WDR7: variants seen among roughly 807,000 people sequenced by gnomAD.
WDR7 encodes the protein WD repeat-containing protein 7.
Under a neutral mutation model 169.4 loss-of-function variants are expected in WDR7, and 46 were observed. That is an observed-to-expected ratio of 0.27 (90% CI 0.21 to 0.35). The LOEUF is 0.35. Among genes scored for constraint, WDR7 ranks in the 10% least tolerant of loss-of-function variants. The pLI is 1.00. For missense variants in WDR7, 1,534 were observed against 1,859.3 expected, an observed-to-expected ratio of 0.83 and a Z score of 3.22; for synonymous variants, 612 against 666.8, an observed-to-expected ratio of 0.92 and a Z score of 1.27.
intron 20 of WDR7, among the ~76,000 whole-genome samples, chr18:56,867,666 A>G (rs549058302): frequency 1.3e-5 from 2 of 152,364 alleles, no homozygotes; most frequent in South Asian, 4.1e-4. Flanking sequence ...ATACATATCT[A>G]GGCAAACATT....
At chr18:56,809,993 T>C (rs1202560806) in intron 19 of WDR7, among the ~76,000 whole-genome samples, 1 of 152,116 alleles carries the variant, frequency 6.6e-6, no homozygotes, top group East Asian at 1.9e-4. Context: ...TTGTTTTGCC[T>C]TTTACAGAAA....
Position 56,903,531 on chromosome 18 carries a change from T to C in WDR7, c.3527-20391T>C, listed in dbSNP as rs192904186. ...GCCACCTGGGTTCAAGTGATTCTTC[T>C]GCCTCAGCCTCCCGAGTAGCTGGGA... On this transcript the variant is annotated intron_variant, in intron 21 of 27. Coordinates refer to ENST00000254442, the MANE Select transcript of WDR7 (RefSeq NM_015285.3). Among the ~76,000 whole-genome samples, 6 of 152,282 alleles carry C rather than the reference T, an allele frequency of 3.9e-5. No homozygotes were observed. In the East Asian group the frequency reaches 9.7e-4, roughly 25 times the overall value.
At chr18:56,748,352 C>T (rs1358088365) in intron 14 of WDR7, among the ~76,000 whole-genome samples, 2 of 152,124 alleles carry the variant, frequency 1.3e-5, no homozygotes, top group East Asian at 3.8e-4. Flanking sequence ...AGTTGAAAAT[C>T]AATCTCTTTT....
intron 2 of WDR7, among the ~76,000 whole-genome samples, chr18:56,673,666 T>G (rs2025183000): frequency 6.6e-6 from 1 of 151,888 alleles, no homozygotes; most frequent in Non-Finnish European, 1.5e-5. Flanking sequence ...AAACCCCATC[T>G]CTACTGAAAA....
chr18:56,737,299 A>G (rs1014171549), intron 14 of WDR7, among the ~76,000 whole-genome samples: 27 of 152,244 alleles, frequency 1.8e-4, no homozygotes, highest in African/African-American at 6.0e-4. Flanking sequence ...TTTTTCTCAT[A>G]AAGCATTTGC....
chr18:56,703,661 T>C (rs1598974751), intron 12 of WDR7, among the ~76,000 whole-genome samples: 1 of 152,100 alleles, frequency 6.6e-6, no homozygotes, highest in South Asian at 2.1e-4. Context: ...ATTTTATTTT[T>C]AAAAATTAAA....
chr18:56,763,359 T>C (rs2044010344), intron 16 of WDR7, among the ~76,000 whole-genome samples: 1 of 152,218 alleles, frequency 6.6e-6, no homozygotes, highest in Admixed American at 6.5e-5. Context: ...TCTGCATCTA[T>C]TGAAATGATT....
intron 12 of WDR7, among the ~76,000 whole-genome samples, chr18:56,698,826 A>G (rs2025762622): frequency 6.6e-6 from 1 of 152,186 alleles, no homozygotes; most frequent in African/African-American, 2.4e-5. Context: ...CTTGAAAAAT[A>G]ATGTATTTGC....
At chr18:56,907,220 A>G (rs148884754) in intron 21 of WDR7, among the ~76,000 whole-genome samples, 22 of 152,350 alleles carry the variant, frequency 1.4e-4, no homozygotes, top group Non-Finnish European at 2.5e-4. Flanking sequence ...TGCTTAAAAT[A>G]TGGACGGTGA....
intron 20 of WDR7, among the ~76,000 whole-genome samples, chr18:56,833,556 A>G (rs1394850298): frequency 6.6e-6 from 1 of 152,238 alleles, no homozygotes; most frequent in African/African-American, 2.4e-5. Flanking sequence ...TAAATAAAAC[A>G]TTCCAATAAA....
At chr18:56,812,444 G>A (rs2044885692) in intron 19 of WDR7, among the ~76,000 whole-genome samples, 1 of 152,152 alleles carries the variant, frequency 6.6e-6, no homozygotes, top group South Asian at 2.1e-4. Context: ...AGAACCAAAA[G>A]AATAGATAGA....
At chr18:57,025,933 A>G (rs1002736717) in intron 27 of WDR7, among the ~76,000 whole-genome samples, 1 of 152,236 alleles carries the variant, frequency 6.6e-6, no homozygotes, top group Non-Finnish European at 1.5e-5. Flanking sequence ...GCTTCATGCA[A>G]ATCTCTAGAA....
In WDR7 at chr18:56,779,523, C is replaced by T. The variant is rs2145063477; in HGVS notation, c.3040C>T (p.Arg1014Ter). 1.2e-6 allele frequency: 2 copies of T among 1,613,492 alleles called. No individual in the cohort carries two copies. Among genetic ancestry groups the T allele is most frequent in the Non-Finnish European group, 1.7e-6 (2 of 1,179,730 alleles). ...FRPPLLEMLA[R>*]RWQDRCLEVR... ...GCCTCCCCTTCTGGAGATGCTGGCC[C>T]GAAGATGGCAAGATCGATGCTTGGA... The change falls in exon 18 of 28, where the codon CGA (arginine) becomes TGA (stop). Residue 1014 changes from arginine (R) to a stop codon, truncating the protein, a stop_gained. Coordinates refer to ENST00000254442, the MANE Select transcript of WDR7 (RefSeq NM_015285.3). LOFTEE classifies it high-confidence loss of function.
rs1290112967 is a variant in WDR7 at position 56,754,273 on chromosome 18, G to GTGTGTGTGTGTATA, written c.1990-2299_1990-2298insATATGTGTGTGTGT. 1.7e-3 allele frequency among the ~76,000 whole-genome samples: 248 copies of GTGTGTGTGTGTATA among 146,972 alleles called. 1 individual carries two copies. The highest frequency in any genetic ancestry group is 6.0e-3 in the African/African-American group (236 of 39,536). ...TGTGTGTGTGTGTGTGTGTGTGTGT[G>GTGTGTGTGTGTATA]TGTGTGTGTGTGTATATGTGTGTGT... On this transcript the variant is annotated intron_variant, in intron 14 of 27. Transcript: ENST00000254442.
chr18:56,821,222 C>T (rs965566574), intron 20 of WDR7, among the ~76,000 whole-genome samples: 2 of 152,032 alleles, frequency 1.3e-5, no homozygotes, highest in Non-Finnish European at 2.9e-5. Context: ...AAGATGAGAG[C>T]TGCCATGGAA....
intron 19 of WDR7, among the ~76,000 whole-genome samples, chr18:56,803,546 T>G (rs2044716252): frequency 6.6e-6 from 1 of 152,130 alleles, no homozygotes; most frequent in Non-Finnish European, 1.5e-5. Context: ...GAAATGTGGC[T>G]CTAAAAGGAG....
intron 26 of WDR7, among the ~76,000 whole-genome samples, chr18:57,020,089 G>C (rs983414875): frequency 6.6e-6 from 1 of 152,124 alleles, no homozygotes; most frequent in Non-Finnish European, 1.5e-5. Flanking sequence ...ATTATTCATG[G>C]TTAAATCAAT....
At chr18:56,985,960 T>A (rs931864346) in intron 26 of WDR7, among the ~76,000 whole-genome samples, 10 of 152,192 alleles carry the variant, frequency 6.6e-5, no homozygotes, top group African/African-American at 1.2e-4. Flanking sequence ...TCTAAATTTG[T>A]GTTGGACATT....
intron 1 of WDR7, among the ~76,000 whole-genome samples, chr18:56,668,794 A>G (rs1156411038): frequency 6.6e-6 from 1 of 152,206 alleles, no homozygotes; most frequent in Admixed American, 6.5e-5. Context: ...CAGAAAGTCA[A>G]TGAAAGGTAT....
Sources: allele counts gnomAD v4.1 joint callset (sites outside exome capture counted in the v4.1 genomes callset), GRCh38; gene constraint gnomAD v4.1.1; transcripts MANE v1.5; gene names NCBI Gene and HGNC (gene_info 2026-07-23, HGNC 2026-07-21).